Variants in DGKI observed in about 807,000 individuals in gnomAD.
The protein encoded by DGKI is DAG kinase iota.
In DGKI, 55 loss-of-function variants were observed where a neutral mutation model predicts 147.5. The observed-to-expected ratio is 0.37, with a 90% confidence interval of 0.30 to 0.47. The LOEUF (loss-of-function observed/expected upper bound fraction) is 0.47, where lower values mean the gene tolerates loss of function less well. Among genes scored for constraint, DGKI ranks in the 20% least tolerant of loss-of-function variants. DGKI has a pLI of 1.00. For missense variants in DGKI, 1,007 were observed against 1,323.8 expected (o/e 0.76, Z 3.71); for synonymous variants, 469 against 477.1 (o/e 0.98, Z 0.22).
chr7:137,467,663 C>A (rs1028127299), intron 24 of DGKI, among the ~76,000 whole-genome samples: 1 of 152,134 alleles, frequency 6.6e-6, no homozygotes. Context: ...CGAAAAAAAT[C>A]TAAATTACAA....
At chr7:137,500,763 G>A (rs565976528) in intron 21 of DGKI, among the ~76,000 whole-genome samples, 2 of 151,946 alleles carry the variant, frequency 1.3e-5, no homozygotes, top group Non-Finnish European at 2.9e-5. Context: ...AATTTTACAC[G>A]TTTATGGGGT....
In DGKI at chr7:137,429,410, G is replaced by C. The variant is rs1309604143; in HGVS notation, c.2761+14667C>G. Among the ~76,000 whole-genome samples, 300 of 152,070 alleles carry C rather than the reference G, an allele frequency of 2.0e-3. 1 individual carries two copies. Among genetic ancestry groups the C allele is most frequent in the African/African-American group, 6.8e-3 (284 of 41,512 alleles). On this transcript the variant is annotated intron_variant, in intron 28 of 32. Transcript: ENST00000614521. Reference sequence around the variant, plus strand: ...CTTATACAAAAATTAATTCAAGATGGATTAAAGACTTAAACGTTAGACCTA... The same window carrying C: ...CTTATACAAAAATTAATTCAAGATGCATTAAAGACTTAAACGTTAGACCTA...
At chr7:137,600,566 T>G (rs1819953883) in intron 10 of DGKI, among the ~76,000 whole-genome samples, 1 of 152,192 alleles carries the variant, frequency 6.6e-6, no homozygotes, top group African/African-American at 2.4e-5. Flanking sequence ...TAATATTTAT[T>G]TTACTATCAT....
At chr7:137,809,740 T>C (rs1797501964) in intron 1 of DGKI, among the ~76,000 whole-genome samples, 1 of 151,822 alleles carries the variant, frequency 6.6e-6, no homozygotes, top group Non-Finnish European at 1.5e-5. Flanking sequence ...CCTGTCTCTA[T>C]AAAAAATACA....
intron 1 of DGKI, among the ~76,000 whole-genome samples, chr7:137,834,644 C>T (rs1798310610): frequency 6.6e-6 from 1 of 152,194 alleles, no homozygotes; most frequent in Non-Finnish European, 1.5e-5. Flanking sequence ...TGGTGAGGAG[C>T]AGTATTATGC....
At chr7:137,416,035 T>C (rs1812347654) in intron 28 of DGKI, among the ~76,000 whole-genome samples, 1 of 152,162 alleles carries the variant, frequency 6.6e-6, no homozygotes, top group Admixed American at 6.6e-5. Context: ...ATAGCCTATG[T>C]TCTCAAGACT....
At position 137,470,079 on chromosome 7, in the gene DGKI, C is replaced by A. The variant is rs368741174; in HGVS notation, c.2374-460G>T. Among the ~76,000 whole-genome samples the A allele has an allele frequency of 2.6e-5, 4 of 152,174 alleles. No homozygotes were observed. The East Asian group carries it at 7.7e-4, about 29-fold the overall frequency. ...AGCAGCAGCCATCCATACACAGGGA[C>A]TGTTCATCTACATGGAAACAAAGAA... On this transcript the variant is annotated intron_variant, in intron 23 of 32. Transcript: ENST00000614521.
At chr7:137,406,463 G>C (rs1419431161) in intron 30 of DGKI, among the ~76,000 whole-genome samples, 1 of 152,142 alleles carries the variant, frequency 6.6e-6, no homozygotes. Context: ...AAGAAATGCT[G>C]TCATCGCAGC....
At chr7:137,833,544 C>T (rs751506273) in intron 1 of DGKI, among the ~76,000 whole-genome samples, 2 of 152,154 alleles carry the variant, frequency 1.3e-5, no homozygotes, top group Non-Finnish European at 2.9e-5. Context: ...GAGTACAATT[C>T]AAGATGAGAT....
At chr7:137,613,353 G>A (rs540338534) in intron 8 of DGKI, among the ~76,000 whole-genome samples, 5 of 152,232 alleles carry the variant, frequency 3.3e-5, no homozygotes, top group Admixed American at 6.5e-5. Context: ...AGGCTGCTCT[G>A]AGGATGGGAA....
At chr7:137,432,243 G>A (rs28637057) in intron 28 of DGKI, among the ~76,000 whole-genome samples, 63,910 of 152,002 alleles carry the variant, frequency 0.42, 14,020 homozygotes, top group East Asian at 0.74. Context: ...AGGTAATTCT[G>A]TATAGCAATG....
intron 20 of DGKI, among the ~76,000 whole-genome samples, chr7:137,534,920 A>G (rs1817467283): frequency 6.6e-6 from 1 of 152,150 alleles, no homozygotes; most frequent in Admixed American, 6.6e-5. Context: ...ATCCAACATG[A>G]CTAGTGTCTT....
At chr7:137,729,360 C>T (rs998905264) in intron 1 of DGKI, among the ~76,000 whole-genome samples, 1 of 152,096 alleles carries the variant, frequency 6.6e-6, no homozygotes, top group African/African-American at 2.4e-5. Flanking sequence ...TCCCAGATGG[C>T]TCTAAGGCTC....
chr7:137,540,424 G>A (rs1360997072), intron 20 of DGKI, among the ~76,000 whole-genome samples: 3 of 152,132 alleles, frequency 2.0e-5, no homozygotes, highest in Admixed American at 6.6e-5. Context: ...AGACATGCTG[G>A]ACTATGTAGA....
At chr7:137,672,508 T>C (rs1032926631) in intron 3 of DGKI, among the ~76,000 whole-genome samples, 1 of 152,208 alleles carries the variant, frequency 6.6e-6, no homozygotes, top group Non-Finnish European at 1.5e-5. Context: ...GGGTGTTCTG[T>C]GGGGAACCCA....
intron 1 of DGKI, among the ~76,000 whole-genome samples, chr7:137,805,166 T>C (rs1797327730): frequency 6.6e-6 from 1 of 152,212 alleles, no homozygotes; most frequent in African/African-American, 2.4e-5. Context: ...CCTCGTTTTA[T>C]TTATGTTTTT....
chr7:137,597,794 A>ATAGTG, intron 12 of DGKI, 53 bp downstream of exon 12: 1 of 1,552,328 alleles, frequency 6.4e-7, no homozygotes, highest in Non-Finnish European at 8.9e-7. Flanking sequence ...CCACAAGAAA[A>ATAGTG]CAATAAGAAA....
In DGKI at chr7:137,643,541, C is replaced by A. The variant is rs552643255; in HGVS notation, c.804+1931G>T. On this transcript the variant is annotated intron_variant, in intron 6 of 32. Transcript: ENST00000614521. ...GAGTCTTGAAGAATTCATGGAGAAG[C>A]TGCATTATAAACACAAGAGATGACT... Among the ~76,000 whole-genome samples, 18 of 152,270 alleles carry A rather than the reference C, an allele frequency of 1.2e-4. No individual in the cohort carries two copies. The East Asian group carries it at 3.5e-3, about 30-fold the overall frequency.
chr7:137,810,949 A>G (rs75111196), intron 1 of DGKI, among the ~76,000 whole-genome samples: 3,504 of 152,286 alleles, frequency 0.023, 149 homozygotes, highest in African/African-American at 0.081. Flanking sequence ...AACTGGCTCT[A>G]TCTTATGTAG....
Sources: allele counts gnomAD v4.1 joint callset (sites outside exome capture counted in the v4.1 genomes callset), GRCh38; gene constraint gnomAD v4.1.1; transcripts MANE v1.5; gene names NCBI Gene and HGNC (gene_info 2026-07-23, HGNC 2026-07-21).